Variants in IQGAP2 observed in about 807,000 individuals in gnomAD.
IQGAP2 encodes the protein ras GTPase-activating-like protein IQGAP2.
IQGAP2 carries 173 observed loss-of-function variants against 201.3 expected under a neutral mutation model. The ratio of observed to expected loss-of-function variants is 0.86; its 90% confidence interval spans 0.76 to 0.98. The LOEUF (loss-of-function observed/expected upper bound fraction) is 0.98. Ranked by LOEUF, IQGAP2 falls within the 50% of genes least tolerant of loss-of-function variation. The pLI, the probability that IQGAP2 is intolerant of heterozygous loss-of-function variation, is 0.00. For synonymous variants in IQGAP2, 675 were observed against 673.9 expected (o/e 1.00, Z -0.03); for missense variants, 1,687 against 1,864.8 (o/e 0.90, Z 1.76).
At chr5:76,609,839 ATATGTG>A (rs940499821) in intron 12 of IQGAP2, among the ~76,000 whole-genome samples, 7 of 126,938 alleles carry the variant, frequency 5.5e-5, no homozygotes, top group African/African-American at 1.9e-4. Flanking sequence ...TTTTATATAT[ATATGTG>A]TGTGTGTGTG....
intron 3 of IQGAP2, among the ~76,000 whole-genome samples, chr5:76,568,602 C>A (rs1478529892): frequency 6.6e-6 from 1 of 152,194 alleles, no homozygotes; most frequent in Non-Finnish European, 1.5e-5. Context: ...TGTGGTCAAA[C>A]AAGATTAGGT....
chr5:76,584,105 T>G (rs1746074975), intron 5 of IQGAP2, among the ~76,000 whole-genome samples: 2 of 152,180 alleles, frequency 1.3e-5, no homozygotes, highest in Non-Finnish European at 2.9e-5. Flanking sequence ...ACTCCTGACC[T>G]CAAATGATCG....
chr5:76,625,805 C>T (rs1326101081), intron 13 of IQGAP2, among the ~76,000 whole-genome samples: 1 of 152,224 alleles, frequency 6.6e-6, no homozygotes, highest in Non-Finnish European at 1.5e-5. Context: ...GGTGCCAGAT[C>T]CATTACCTTT....
intron 2 of IQGAP2, among the ~76,000 whole-genome samples, chr5:76,560,078 A>G (rs959926075): frequency 6.6e-6 from 1 of 152,150 alleles, no homozygotes; most frequent in East Asian, 1.9e-4. Context: ...CATTTATTTC[A>G]GTGTTTAACA....
intron 1 of IQGAP2, among the ~76,000 whole-genome samples, chr5:76,414,635 C>T (rs115564194): frequency 0.025 from 3,748 of 152,122 alleles, 83 homozygotes; most frequent in South Asian, 0.12. Flanking sequence ...ATCTGGGCAA[C>T]GTAGCAAGAC....
chr5:76,620,271 T>A (rs1749508984), intron 13 of IQGAP2, among the ~76,000 whole-genome samples: 1 of 152,218 alleles, frequency 6.6e-6, no homozygotes, highest in Non-Finnish European at 1.5e-5. Flanking sequence ...GCTACTGTCA[T>A]CATTCATAGC....
chr5:76,588,818 C>T (rs1746423290), intron 5 of IQGAP2, 88 bp from the exon 6 acceptor site: 2 of 714,762 alleles, frequency 2.8e-6, no homozygotes, highest in Admixed American at 6.0e-5. Flanking sequence ...GTCTTTTCAA[C>T]TGAAAAAACT....
chr5:76,518,423 C>T (rs931440546), intron 2 of IQGAP2, among the ~76,000 whole-genome samples: 5 of 152,128 alleles, frequency 3.3e-5, no homozygotes, highest in Admixed American at 6.5e-5. Context: ...CATCAGATCT[C>T]GTGAGACTTA....
intron 1 of IQGAP2, among the ~76,000 whole-genome samples, chr5:76,428,372 A>G (rs1481007116): frequency 6.6e-6 from 1 of 151,954 alleles, no homozygotes; most frequent in East Asian, 1.9e-4. Flanking sequence ...CTGGTAATGC[A>G]AAGGAAGATG....
chr5:76,459,670 A>T (rs759113438), intron 1 of IQGAP2, among the ~76,000 whole-genome samples: 1 of 152,120 alleles, frequency 6.6e-6, no homozygotes, highest in Non-Finnish European at 1.5e-5. Context: ...ACAGAGTCTC[A>T]TACTGTCACC....
chr5:76,685,959 CTA>C (rs1203217456), intron 30 of IQGAP2, among the ~76,000 whole-genome samples: 3 of 152,222 alleles, frequency 2.0e-5, no homozygotes, highest in African/African-American at 7.2e-5. Flanking sequence ...CCCCTAGCAA[CTA>C]CTAGTCTGCA....
Position 76,511,931 on chromosome 5 carries a change from C to T in IQGAP2, c.146+50262C>T, listed in dbSNP as rs112191111. Among the ~76,000 whole-genome samples the T allele has an allele frequency of 6.6e-3, 1,002 of 152,226 alleles. 2 individuals carry two copies. Among genetic ancestry groups the T allele is most frequent in the African/African-American group, 0.023 (961 of 41,528 alleles). On this transcript the variant is annotated intron_variant, in intron 2 of 35. Coordinates refer to ENST00000274364, the MANE Select transcript of IQGAP2 (RefSeq NM_006633.5). ...TCCTGACCTCGTGATCCGCCCGCCTCGGCCTCCCAAAGTGCTGGGATTACA... is the reference window on the plus strand; with the variant it reads ...TCCTGACCTCGTGATCCGCCCGCCTTGGCCTCCCAAAGTGCTGGGATTACA...
At chr5:76,443,419 C>A (rs76045075) in intron 1 of IQGAP2, among the ~76,000 whole-genome samples, 1 of 151,456 alleles carries the variant, frequency 6.6e-6, no homozygotes, top group African/African-American at 2.4e-5. Context: ...TTAGGAATTC[C>A]AGTTCAGCCT....
chr5:76,458,549 C>A lies in IQGAP2; in HGVS notation c.47-3021C>A, dbSNP rs74372106. Among the ~76,000 whole-genome samples the A allele has an allele frequency of 8.6e-3, 1,307 of 152,302 alleles. 23 individuals carry two copies. Among genetic ancestry groups the A allele is most frequent in the African/African-American group, 0.03 (1,242 of 41,554 alleles). ...TTGACAGTAGATTATGAAAGGTGTT[C>A]TCTCCCATTCAAGGAAGGTGAGGCC... On this transcript the variant is annotated intron_variant, in intron 1 of 35. Transcript: ENST00000274364.
chr5:76,578,060 T>C (rs1745588105), intron 5 of IQGAP2, among the ~76,000 whole-genome samples: 1 of 152,222 alleles, frequency 6.6e-6, no homozygotes, highest in Non-Finnish European at 1.5e-5. Flanking sequence ...CCCTGTCATC[T>C]TGATTTGGGC....
chr5:76,611,970 T>C (rs1479351311), intron 13 of IQGAP2, among the ~76,000 whole-genome samples: 4 of 152,204 alleles, frequency 2.6e-5, no homozygotes, highest in Non-Finnish European at 4.4e-5. Context: ...TCTAGGTCTT[T>C]AGAACCTAGG....
chr5:76,694,217 G>T (rs1266819336), intron 31 of IQGAP2, among the ~76,000 whole-genome samples: 2 of 130,392 alleles, frequency 1.5e-5, no homozygotes, highest in African/African-American at 5.8e-5. Flanking sequence ...TAGATCACTT[G>T]AGCCCAGGAG....
At chr5:76,638,398 AG>A (rs375248569) in intron 16 of IQGAP2, among the ~76,000 whole-genome samples, 174 of 152,256 alleles carry the variant, frequency 1.1e-3, no homozygotes, top group African/African-American at 4.0e-3. Flanking sequence ...AAAAAAGCCC[AG>A]AAAAGTCTGC....
At chr5:76,642,421 C>T (rs79320830) in intron 17 of IQGAP2, among the ~76,000 whole-genome samples, 17,185 of 152,096 alleles carry the variant, frequency 0.11, 1,098 homozygotes, top group Middle Eastern at 0.22. Flanking sequence ...AAAGAATTGA[C>T]GAAGCAGCCA....
Sources: allele counts gnomAD v4.1 joint callset (sites outside exome capture counted in the v4.1 genomes callset), GRCh38; gene constraint gnomAD v4.1.1; transcripts MANE v1.5; gene names NCBI Gene and HGNC (gene_info 2026-07-23, HGNC 2026-07-21).